Variants in TSEN34 observed in about 807,000 individuals in gnomAD.
The protein encoded by TSEN34 is tRNA splicing endonuclease subunit 34, also known as tRNA-splicing endonuclease subunit Sen34.
TSEN34 carries 25 observed loss-of-function variants against 30.2 expected under a neutral mutation model. The observed-to-expected ratio is 0.83, with a 90% confidence interval of 0.60 to 1.16. The LOEUF (loss-of-function observed/expected upper bound fraction) is 1.16, where lower values mean the gene tolerates loss of function less well. Among genes scored for constraint, TSEN34 ranks in the 50% most tolerant of loss-of-function variants. TSEN34 has a pLI of 0.00. For missense variants in TSEN34, 475 were observed against 411.9 expected, an observed-to-expected ratio of 1.15 and a Z score of -1.33; for synonymous variants, 209 against 177.4, an observed-to-expected ratio of 1.18 and a Z score of -1.41.
upstream of TSEN34, chr19:54,191,189 G>A (rs999037358): frequency 1.4e-6 from 2 of 1,387,302 alleles, no homozygotes; most frequent in Non-Finnish European, 1.9e-6. Flanking sequence ...GATCGCCCGG[G>A]GGCGGGGCCT....
rs1186447985 is a variant in TSEN34, at chr19:54,193,933, C to T, written c.*571C>T. ...TAAAAATATAGGCTGGGCACGATGA[C>T]CCACACCTGTAATCCCACAGAACTT... On this transcript the variant is annotated 3_prime_UTR_variant, in exon 4 of 4. Coordinates refer to ENST00000396388, the MANE Select transcript of TSEN34 (RefSeq NM_001077446.4). 3 of 502,146 alleles carry T rather than the reference C, an allele frequency of 6.0e-6. No individual in the cohort carries two copies. Among genetic ancestry groups the T allele is most frequent in the Admixed American group, 3.5e-5 (1 of 28,200 alleles). The allele number at this position is 502,146 out of a possible 1,614,324, so 31.1% of individuals were successfully genotyped here.
Position 54,193,160 on chromosome 19 carries a change from C to T in TSEN34, c.746-15C>T, listed in dbSNP as rs2076769707. 6.2e-7 allele frequency: 1 copy of T among 1,612,764 alleles called. No individual in the cohort carries two copies. The highest frequency in any genetic ancestry group is 1.3e-5 in the African/African-American group (1 of 74,978). ...GCCATTGGTCACTGCTTCAGTGCCT[C>T]TCTCCTTCCCCCAGGTGACCCCCTC... On this transcript the variant is annotated splice_polypyrimidine_tract_variant and intron_variant, in intron 3 of 3. Transcript: ENST00000396388.
At chr19:54,193,089 T>G in intron 3 of TSEN34, 86 bp from the exon 4 acceptor site, 4 of 1,603,610 alleles carry the variant, frequency 2.5e-6, no homozygotes, top group Non-Finnish European at 3.4e-6. Flanking sequence ...GCTGAAATGA[T>G]CTCAGATCTC....
chr19:54,191,755 G>C lies in TSEN34; in HGVS notation c.278G>C (p.Ser93Thr), dbSNP rs774016536. The C allele has an allele frequency of 1.2e-5, 20 of 1,614,160 alleles. No homozygotes were observed. Among genetic ancestry groups the C allele is most frequent in the Non-Finnish European group, 1.6e-5 (19 of 1,180,038 alleles). ...LTSFKRQQEE[S>T]FQEQSALAAE... is the part of the protein sequence containing the mutation. ...TCCTTCAAGCGCCAGCAAGAGGAGA[G>C]CTTCCAGGAGCAGAGCGCCTTGGCA... Residue 93 changes from serine to threonine, a missense_variant, in exon 2 of 4, where the codon AGC (serine) becomes ACC (threonine). By Grantham distance (58) the Ser-to-Thr change is moderately conservative. Transcript: ENST00000396388.
upstream of TSEN34, chr19:54,190,469 A>C (rs2076625492): frequency 7.3e-7 from 1 of 1,376,510 alleles, no homozygotes; most frequent in Admixed American, 3.5e-5. Context: ...GCCCGAGCGG[A>C]GAGTGGACGG....
chr19:54,190,432 C>A, upstream of TSEN34: 1 of 1,444,052 alleles, frequency 6.9e-7, no homozygotes. Context: ...AGGAGGCGGA[C>A]TGAGCGCTCC....
chr19:54,190,532 A>G (rs1397558064), upstream of TSEN34: 15 of 1,285,552 alleles, frequency 1.2e-5, no homozygotes, highest in East Asian at 4.1e-4. Context: ...GTAGGGCGGG[A>G]ACTCCCCAAC....
At chr19:54,192,481 G>A (rs911284976) in intron 3 of TSEN34, 108 bp downstream of exon 3, 6 of 1,459,844 alleles carry the variant, frequency 4.1e-6, no homozygotes, top group Non-Finnish European at 5.6e-6. Flanking sequence ...GGGGTCTCTT[G>A]TTGCTTAGGC....
rs2076718403 is a variant in TSEN34, at chr19:54,191,862, CAGGCTTCAGGGGCCAGCTCAAGCCAGG to C, written c.390_416del (p.Ser131_Ala139del). 1.2e-6 allele frequency: 2 copies of C among 1,614,104 alleles called. No homozygotes were observed. The highest frequency in any genetic ancestry group is 1.7e-6 in the Non-Finnish European group (2 of 1,179,994). ...GGCTGCTAAGAAGCAGAAACTAGAA[CAGGCTTCAGGGGCCAGCTCAAGCCAGG>C]AGGCCGGCTCGAGCCAGGCTGCCAA... On this transcript the variant is annotated inframe_deletion, in exon 2 of 4. Transcript: ENST00000396388.
At chr19:54,191,287 A>G (rs2076677353), upstream of TSEN34, 13 of 1,540,028 alleles carry the variant, frequency 8.4e-6, 1 homozygote, top group South Asian at 1.4e-4. Flanking sequence ...GAGACCCCGG[A>G]GGCTTTGGGT....
chr19:54,192,070 CTT>C (rs772291257), intron 2 of TSEN34, 44 bp from the exon 3 acceptor site: 70 of 1,614,198 alleles, frequency 4.3e-5, no homozygotes, highest in Admixed American at 3.7e-4. Flanking sequence ...GGTGAGAAGA[CTT>C]TACCCCTTGA....
At chr19:54,191,248 C>A, upstream of TSEN34, 2 of 1,488,428 alleles carry the variant, frequency 1.3e-6, no homozygotes, top group South Asian at 2.6e-5. Flanking sequence ...GAGGCCCCGC[C>A]CCCTGAGGCC....
upstream of TSEN34, chr19:54,190,409 C>T (rs954997229): frequency 2.2e-5 from 33 of 1,470,122 alleles, no homozygotes; most frequent in Non-Finnish European, 2.5e-5. Context: ...GTGGGACATT[C>T]TGAAGGGAGG....
In TSEN34 at chr19:54,193,973, AG is replaced by A; in HGVS notation, c.*616del. The A allele has an allele frequency of 7.8e-6, 3 of 386,000 alleles. No individual in the cohort carries two copies. Among genetic ancestry groups the A allele is most frequent in the South Asian group, 7.1e-5 (2 of 28,040 alleles). 23.9% of individuals were successfully genotyped at this position (386,000 alleles called of 1,614,324 possible). A position where few individuals can be genotyped will look rare whatever the true frequency, so the allele number is the denominator to read the frequency against. On this transcript the variant is annotated 3_prime_UTR_variant, in exon 4 of 4. Transcript: ENST00000396388. ...CCACAGAACTTTTGGAGGCCAAGGC[AG>A]GGGGATCGCTTGAGCCCAGGAGTTT... is the stretch of plus-strand genomic sequence containing the variant.
At position 54,193,891 on chromosome 19, in the gene TSEN34, C is replaced by T. The variant is rs1210420318; in HGVS notation, c.*529C>T. ...AGATTTCTATGAAATTTCCCAGATG[C>T]ATACAAACGTTATAAATAAAAATAT... is the stretch of plus-strand genomic sequence containing the variant. On this transcript the variant is annotated 3_prime_UTR_variant, in exon 4 of 4. Transcript: ENST00000396388. 3.4e-6 allele frequency: 2 copies of T among 579,744 alleles called. No individual in the cohort carries two copies. Among genetic ancestry groups the T allele is most frequent in the Non-Finnish European group, 3.0e-6 (1 of 328,078 alleles). 35.9% of individuals were successfully genotyped at this position (579,744 alleles called of 1,614,324 possible). A position where few individuals can be genotyped will look rare whatever the true frequency, so the allele number is the denominator to read the frequency against.
chr19:54,190,372 G>C (rs1211840194), upstream of TSEN34: 1 of 1,513,476 alleles, frequency 6.6e-7, no homozygotes. Flanking sequence ...TGTTTATGAG[G>C]TGACTCGCTG....
At chr19:54,191,187 G>T, upstream of TSEN34, 4 of 1,380,666 alleles carry the variant, frequency 2.9e-6, no homozygotes, top group Non-Finnish European at 3.7e-6. Flanking sequence ...GGGATCGCCC[G>T]GGGGCGGGGC....
upstream of TSEN34, chr19:54,191,256 G>A (rs920089221): frequency 6.5e-7 from 1 of 1,527,430 alleles, no homozygotes; most frequent in South Asian, 1.2e-5. Flanking sequence ...GCCCCCTGAG[G>A]CCTAGGGGCG....
chr19:54,190,795 C>T (rs1409513893), upstream of TSEN34: 4 of 1,103,220 alleles, frequency 3.6e-6, no homozygotes, highest in South Asian at 1.5e-4. Context: ...CTGTGGGAGT[C>T]TGAGAGCGAG....
Sources: allele counts gnomAD v4.1 joint callset, GRCh38; gene constraint gnomAD v4.1.1; transcripts MANE v1.5; gene names NCBI Gene and HGNC (gene_info 2026-07-23, HGNC 2026-07-21).